Variants in CNEP1R1 observed in about 807,000 individuals in gnomAD.
CNEP1R1 encodes the protein CTD nuclear envelope phosphatase 1 regulatory subunit 1, also known as nuclear envelope phosphatase-regulatory subunit 1.
CNEP1R1 carries 10 observed loss-of-function variants against 22.7 expected under a neutral mutation model. That is an observed-to-expected ratio of 0.44 (90% CI 0.27 to 0.75). The LOEUF (loss-of-function observed/expected upper bound fraction) is 0.75, where lower values mean the gene tolerates loss of function less well. Among genes scored for constraint, CNEP1R1 ranks in the 30% least tolerant of loss-of-function variants. The probability of loss-of-function intolerance (pLI) is 0.17; values close to 1 mark genes in which losing one functional copy is unlikely to be tolerated. For missense variants in CNEP1R1, 73 were observed against 151.5 expected (o/e 0.48, Z 2.72); for synonymous variants, 53 against 50.1 (o/e 1.06, Z -0.25).
chr16:50,030,559 T>C (rs1352295420), intron 3 of CNEP1R1, among the ~76,000 whole-genome samples: 1 of 152,136 alleles, frequency 6.6e-6, no homozygotes, highest in African/African-American at 2.4e-5. Flanking sequence ...CATGATAAAA[T>C]AGCAAAATAC....
chr16:50,028,321 G>A (rs1478348286), intron 2 of CNEP1R1, among the ~76,000 whole-genome samples: 1 of 152,188 alleles, frequency 6.6e-6, no homozygotes, highest in East Asian at 1.9e-4. Flanking sequence ...AGAAGGAAGT[G>A]TAGTAGCACA....
intron 3 of CNEP1R1, among the ~76,000 whole-genome samples, chr16:50,030,552 G>C (rs2036222898): frequency 1.3e-5 from 2 of 152,132 alleles, no homozygotes; most frequent in Admixed American, 1.3e-4. Context: ...AAACACACAT[G>C]ATAAAATAGC....
intron 2 of CNEP1R1, 134 bp downstream of exon 2, chr16:50,026,601 T>A: frequency 1.5e-6 from 1 of 677,296 alleles, no homozygotes; most frequent in Non-Finnish European, 2.5e-6. Flanking sequence ...ATGAAGAAAT[T>A]TTTAAGAAAA....
chr16:50,034,848 G>T (rs1173518341), intron 5 of CNEP1R1, among the ~76,000 whole-genome samples: 7 of 152,128 alleles, frequency 4.6e-5, no homozygotes, highest in African/African-American at 1.4e-4. Context: ...GCTGCAGTGA[G>T]CTGTGATCAT....
chr16:50,027,712 A>G (rs1353301075), intron 2 of CNEP1R1, among the ~76,000 whole-genome samples: 1 of 152,024 alleles, frequency 6.6e-6, no homozygotes, highest in Non-Finnish European at 1.5e-5. Context: ...ATGTTATTTA[A>G]TGTATACTTG....
At chr16:50,026,957 G>C (rs1228076564) in intron 2 of CNEP1R1, 4 of 151,812 alleles carry the variant, frequency 2.6e-5, no homozygotes, top group African/African-American at 9.7e-5. Context: ...TGGGCGACAA[G>C]AGTAAAACCC....
chr16:50,032,351 T>C (rs1328919745), intron 3 of CNEP1R1, among the ~76,000 whole-genome samples: 1 of 152,260 alleles, frequency 6.6e-6, no homozygotes, highest in Non-Finnish European at 1.5e-5. Flanking sequence ...TACATATTCT[T>C]AGACTTGTGG....
intron 3 of CNEP1R1, among the ~76,000 whole-genome samples, chr16:50,030,232 T>C (rs1405717596): frequency 6.6e-6 from 1 of 150,578 alleles, no homozygotes; most frequent in African/African-American, 2.4e-5. Context: ...AAGGGAGGAG[T>C]TCAAGACCAG....
intron 1 of CNEP1R1, 83 bp from the exon 2 acceptor site, chr16:50,026,313 C>T: frequency 2.2e-6 from 2 of 913,616 alleles, no homozygotes; most frequent in East Asian, 2.6e-5. Context: ...TCTCACATGT[C>T]GTCTTAATGT....
intron 3 of CNEP1R1, among the ~76,000 whole-genome samples, chr16:50,033,005 C>CAA (rs796983172): frequency 4.8e-5 from 5 of 103,642 alleles, no homozygotes; most frequent in East Asian, 2.7e-4. Context: ...AACTCTGTCT[C>CAA]AAAAAAAAAA....
intron 5 of CNEP1R1, 42 bp downstream of exon 5, chr16:50,034,198 A>G: frequency 7.0e-7 from 1 of 1,422,448 alleles, no homozygotes; most frequent in Non-Finnish European, 9.7e-7. Context: ...CCTGCATGAA[A>G]ACACTGAAAT....
At chr16:50,027,871 A>T (rs565412277) in intron 2 of CNEP1R1, among the ~76,000 whole-genome samples, 3 of 152,196 alleles carry the variant, frequency 2.0e-5, no homozygotes, top group African/African-American at 7.2e-5. Context: ...TTACTTGCCC[A>T]TGGAAATACA....
chr16:50,025,818 G>C lies in CNEP1R1; in HGVS notation c.25+478G>C, dbSNP rs546507572. 13 of 835,444 alleles carry C rather than the reference G, an allele frequency of 1.6e-5. No individual in the cohort carries two copies. The African/African-American group carries it at 1.7e-4, about 11-fold the overall frequency. The allele number at this position is 835,444 out of a possible 1,614,324, so 51.8% of individuals were successfully genotyped here. A position where few individuals can be genotyped will look rare whatever the true frequency, so the allele number is the denominator to read the frequency against. ...TGTCTTCTAGAACTAGGCGCTGCCTGGGTGCCACGAAGATCACCTGTACCC... is the reference window on the plus strand; with the variant it reads ...TGTCTTCTAGAACTAGGCGCTGCCTCGGTGCCACGAAGATCACCTGTACCC... On this transcript the variant is annotated intron_variant, in intron 1 of 5. Coordinates refer to ENST00000427478, the MANE Select transcript of CNEP1R1 (RefSeq NM_001281789.2).
chr16:50,025,256 G>A lies in CNEP1R1; in HGVS notation c.-60G>A, dbSNP rs973863341. 11 of 1,383,496 alleles carry A rather than the reference G, an allele frequency of 8.0e-6. No homozygotes were observed. The highest frequency in any genetic ancestry group is 6.1e-5 in the African/African-American group (4 of 65,232). 85.7% of individuals were successfully genotyped at this position (1,383,496 alleles called of 1,614,324 possible). The stretch of plus-strand genomic sequence containing the variant: ...GGGAGTTGGCGCTGCGGGCCGGGCG[G>A]GGGCCGCGGAAGCTGCGATGCGGAC... On this transcript the variant is annotated 5_prime_UTR_variant, in exon 1 of 6. Transcript: ENST00000427478.
chr16:50,031,689 A>C (rs1221973649), intron 3 of CNEP1R1, among the ~76,000 whole-genome samples: 1 of 152,200 alleles, frequency 6.6e-6, no homozygotes, highest in Non-Finnish European at 1.5e-5. Context: ...TTCAGTATTT[A>C]ATAACCCCAA....
At chr16:50,033,260 A>C in intron 3 of CNEP1R1, 137 bp from the exon 4 acceptor site, 1 of 436,956 alleles carries the variant, frequency 2.3e-6, no homozygotes, top group Non-Finnish European at 4.0e-6. Flanking sequence ...ACAGAGAACT[A>C]AGATTATTAG....
chr16:50,027,507 CAAAAAAA>C (rs71138024), intron 2 of CNEP1R1, among the ~76,000 whole-genome samples: 1 of 110,106 alleles, frequency 9.1e-6, no homozygotes. Context: ...GACTCTGTCT[CAAAAAAA>C]AAAAAAAAAA....
chr16:50,030,864 G>A lies in CNEP1R1; in HGVS notation c.171+1066G>A, dbSNP rs150833317. ...AAGTTTAATACAGGAAACACTGAGG[G>A]ATCTCCCACTGGGCACTGTGCAAGA... On this transcript the variant is annotated intron_variant, in intron 3 of 5. Transcript: ENST00000427478. Among the ~76,000 whole-genome samples, 27 of 152,296 alleles carry A rather than the reference G, an allele frequency of 1.8e-4. No individual in the cohort carries two copies. The East Asian group carries it at 4.4e-3, about 25-fold the overall frequency.
rs994053073 is a variant in CNEP1R1, at chr16:50,026,264, A to G, written c.26-132A>G. On this transcript the variant is annotated intron_variant, in intron 1 of 5. Coordinates refer to ENST00000427478, the MANE Select transcript of CNEP1R1 (RefSeq NM_001281789.2). ...AATGAAATAAACAGTGCAGTGATAC[A>G]TGGAAGTTAGTGTGTAAGACCTGAA... 16 of 640,380 alleles carry G rather than the reference A, an allele frequency of 2.5e-5. No individual in the cohort carries two copies. In the Admixed American group the frequency reaches 3.5e-4, roughly 14 times the overall value. The allele number at this position is 640,380 out of a possible 1,614,324, so 39.7% of individuals were successfully genotyped here.
Sources: allele counts gnomAD v4.1 joint callset (sites outside exome capture counted in the v4.1 genomes callset), GRCh38; gene constraint gnomAD v4.1.1; transcripts MANE v1.5; gene names NCBI Gene and HGNC (gene_info 2026-07-23, HGNC 2026-07-21).